STK3: variants seen among roughly 807,000 people sequenced by gnomAD.
STK3 encodes serine/threonine-protein kinase 3.
In STK3, 41 loss-of-function variants were observed where a neutral mutation model predicts 58.0. The observed-to-expected ratio is 0.71, with a 90% CI of 0.55 to 0.92. The LOEUF is 0.92. STK3 is among the 40% of genes least tolerant of loss of function. The pLI is 0.00. For missense variants in STK3, 479 were observed against 602.7 expected, an observed-to-expected ratio of 0.79 and a Z score of 2.15; for synonymous variants, 170 against 191.0, an observed-to-expected ratio of 0.89 and a Z score of 0.91.
chr8:98,439,117 T>C (rs1485807970), intron 1 of STK3: 1 of 152,248 alleles, frequency 6.6e-6, no homozygotes, highest in Non-Finnish European at 1.5e-5. Flanking sequence ...GCTGTTATTG[T>C]AATTTGTCAT....
At chr8:98,641,079 G>A (rs1034019779) in intron 6 of STK3, among the ~76,000 whole-genome samples, 2 of 151,462 alleles carry the variant, frequency 1.3e-5, no homozygotes, top group African/African-American at 2.4e-5. Context: ...CTTTAACTTT[G>A]TAGTTTATAA....
At chr8:98,620,042 A>G (rs1222596314) in intron 6 of STK3, among the ~76,000 whole-genome samples, 2 of 96,492 alleles carry the variant, frequency 2.1e-5, no homozygotes, top group Admixed American at 1.2e-4. Flanking sequence ...CATTATTCAC[A>G]ATAGCAAAGA....
chr8:98,497,635 G>T (rs1460720197), intron 10 of STK3, among the ~76,000 whole-genome samples: 2 of 151,970 alleles, frequency 1.3e-5, no homozygotes, highest in Admixed American at 1.3e-4. Flanking sequence ...TGAGCAAAGG[G>T]TCTGAATAGA....
chr8:98,705,603 CTCTT>C (rs879607665), intron 6 of STK3, among the ~76,000 whole-genome samples: 15 of 151,564 alleles, frequency 9.9e-5, no homozygotes, highest in East Asian at 1.9e-4. Context: ...TGCATTCTTC[CTCTT>C]TCTATCTATT....
chr8:98,899,208 C>A (rs1838566202), intron 1 of STK3, among the ~76,000 whole-genome samples: 1 of 152,212 alleles, frequency 6.6e-6, no homozygotes, highest in African/African-American at 2.4e-5. Context: ...ACCCAGGCAG[C>A]ATTTCATGGG....
chr8:98,451,789 G>T (rs1819210316), downstream of STK3, among the ~76,000 whole-genome samples: 1 of 151,244 alleles, frequency 6.6e-6, no homozygotes, highest in African/African-American at 2.4e-5. Flanking sequence ...CCCGACCAGG[G>T]TCTGTAAAAC....
At chr8:98,691,730 G>A (rs939673859) in intron 6 of STK3, among the ~76,000 whole-genome samples, 8 of 152,042 alleles carry the variant, frequency 5.3e-5, no homozygotes, top group Admixed American at 6.5e-5. Flanking sequence ...TCAAGAGATC[G>A]AGACCATCCT....
In STK3 at chr8:98,752,418, G is replaced by A. The variant is rs191506873; in HGVS notation, c.237-3028C>T. 8.6e-3 allele frequency among the ~76,000 whole-genome samples: 1,305 copies of A among 152,252 alleles called. 10 individuals are homozygous for A. The highest frequency in any genetic ancestry group is 0.03 in the African/African-American group (1,229 of 41,534). ...TAGCCATATGCGGAAGATTGAAACT[G>A]GACCCCTCCCTTATTATCATGTTCA... On this transcript the variant is annotated intron_variant, in intron 3 of 10. Coordinates refer to ENST00000419617, the MANE Select transcript of STK3 (RefSeq NM_006281.4).
At chr8:98,598,252 A>G (rs1243849796) in intron 6 of STK3, 1 of 985,274 alleles carries the variant, frequency 1.0e-6, no homozygotes, top group Non-Finnish European at 1.2e-6. Flanking sequence ...TTATCTTGAG[A>G]TAATCTTAAC....
intron 3 of STK3, among the ~76,000 whole-genome samples, chr8:98,759,835 C>T (rs976305393): frequency 2.0e-5 from 3 of 152,082 alleles, no homozygotes; most frequent in Non-Finnish European, 4.4e-5. Flanking sequence ...ATATCCATGG[C>T]GAACTGGTTC....
At chr8:98,902,773 T>A (rs1838707714) in intron 1 of STK3, among the ~76,000 whole-genome samples, 1 of 152,256 alleles carries the variant, frequency 6.6e-6, no homozygotes, top group South Asian at 2.1e-4. Context: ...ATAGCCAATG[T>A]GTCAGGCACT....
intron 6 of STK3, among the ~76,000 whole-genome samples, chr8:98,704,620 A>AT (rs938967058): frequency 3.3e-5 from 5 of 151,838 alleles, no homozygotes; most frequent in Admixed American, 1.3e-4. Flanking sequence ...ATACAGGTAT[A>AT]TTTTTTTCTA....
At chr8:98,828,972 T>A (rs1835429316), upstream of STK3, among the ~76,000 whole-genome samples, 1 of 152,232 alleles carries the variant, frequency 6.6e-6, no homozygotes, top group East Asian at 1.9e-4. Flanking sequence ...AGCATCCTTT[T>A]GGTCCTGCAG....
At chr8:98,409,985 C>T (rs990662948) in intron 3 of STK3, among the ~76,000 whole-genome samples, 1 of 152,192 alleles carries the variant, frequency 6.6e-6, no homozygotes, top group Admixed American at 6.5e-5. Context: ...GGATATAAGG[C>T]CATTGAACTG....
At chr8:98,921,279 T>G (rs887505440) in intron 1 of STK3, 5 of 150,638 alleles carry the variant, frequency 3.3e-5, no homozygotes, top group East Asian at 2.0e-4. Context: ...AAAAAAAACA[T>G]AAAACTCTAC....
At chr8:98,375,291 A>C (rs565208572) in intron 2 of STK3, among the ~76,000 whole-genome samples, 12 of 152,038 alleles carry the variant, frequency 7.9e-5, no homozygotes, top group African/African-American at 1.9e-4. Flanking sequence ...CAAAAAAAAA[A>C]ACCTATTATA....
At chr8:98,923,935 A>G (rs1250973106) in intron 1 of STK3, among the ~76,000 whole-genome samples, 1 of 150,780 alleles carries the variant, frequency 6.6e-6, no homozygotes, top group Admixed American at 6.6e-5. Context: ...TGAGCCAGCC[A>G]GTTCTTTTTA....
intron 2 of STK3, among the ~76,000 whole-genome samples, chr8:98,769,456 T>TG (rs1831157822): frequency 1.3e-5 from 2 of 152,358 alleles, no homozygotes; most frequent in South Asian, 4.1e-4. Context: ...ATGTACGATG[T>TG]GACCTGATCT....
intron 7 of STK3, among the ~76,000 whole-genome samples, chr8:98,585,123 G>T (rs1249312684): frequency 6.6e-6 from 1 of 151,250 alleles, no homozygotes; most frequent in Non-Finnish European, 1.5e-5. Flanking sequence ...GTCAATTTTG[G>T]CTTTTGTTGC....
Sources: allele counts gnomAD v4.1 joint callset (sites outside exome capture counted in the v4.1 genomes callset), GRCh38; gene constraint gnomAD v4.1.1; transcripts MANE v1.5; gene names NCBI Gene and HGNC (gene_info 2026-07-23, HGNC 2026-07-21).